CYP2B6: variants seen among roughly 807,000 people sequenced by gnomAD.
CYP2B6 encodes the protein cytochrome P450 family 2 subfamily B member 6, also known as cytochrome P450 2B6.
Under a neutral mutation model 43.4 loss-of-function variants are expected in CYP2B6, and 35 were observed. The ratio of observed to expected loss-of-function variants is 0.81; its 90% CI spans 0.62 to 1.07. The LOEUF is 1.07. Ranked by LOEUF, CYP2B6 falls within the 50% of genes least tolerant of loss-of-function variation. The pLI is 0.00. For missense variants in CYP2B6, 624 were observed against 632.8 expected (o/e 0.99, Z 0.15); for synonymous variants, 239 against 239.2 (o/e 1.00, Z 0.01).
chr19:41,012,951 A>G, intron 8 of CYP2B6, 136 bp downstream of exon 8: 1 of 1,019,270 alleles, frequency 9.8e-7, no homozygotes. Context: ...ATCCCATTCC[A>G]TCTTCACTAC....
intron 1 of CYP2B6, among the ~76,000 whole-genome samples, chr19:40,997,263 G>A (rs1316593660): frequency 6.6e-6 from 1 of 151,874 alleles, no homozygotes; most frequent in Non-Finnish European, 1.5e-5. Flanking sequence ...CACTGGCTCA[G>A]TATTTACCTG....
intron 3 of CYP2B6, among the ~76,000 whole-genome samples, chr19:41,006,391 T>G (rs1236943248): frequency 6.8e-6 from 1 of 146,930 alleles, no homozygotes; most frequent in East Asian, 2.0e-4. Flanking sequence ...CTTGAATTCC[T>G]GATCCTTTTG....
rs537701423 is a variant in CYP2B6, at chr19:41,016,606, C to T, written c.1295-40C>T. 2.8e-5 allele frequency: 45 copies of T among 1,609,406 alleles called. No individual in the cohort carries two copies. The South Asian group carries it at 4.7e-4, about 17-fold the overall frequency. ...GACATGGCAGAGCGAAGTGTATGCA[C>T]CTGCCCTGTGCCCACACTGGTGACC... On this transcript the variant is annotated intron_variant, in intron 8 of 8. Transcript: ENST00000324071.
chr19:40,996,850 A>C (rs974083709), intron 1 of CYP2B6, among the ~76,000 whole-genome samples: 3 of 152,164 alleles, frequency 2.0e-5, no homozygotes, highest in African/African-American at 2.4e-5. Context: ...ATTCAGGTAC[A>C]TAACACTGGT....
chr19:41,016,229 C>T (rs1969360313), intron 8 of CYP2B6, among the ~76,000 whole-genome samples: 1 of 151,782 alleles, frequency 6.6e-6, no homozygotes, highest in Non-Finnish European at 1.5e-5. Context: ...TACCCCATGT[C>T]TACTAAAAAT....
intron 1 of CYP2B6, among the ~76,000 whole-genome samples, chr19:41,001,700 A>C (rs529701087): frequency 5.8e-4 from 88 of 152,064 alleles, no homozygotes; most frequent in African/African-American, 2.1e-3. Context: ...ATCCAATAAC[A>C]ATTCACTGGG....
In CYP2B6 at chr19:41,002,420, A is replaced by T. The variant is rs1172200537; in HGVS notation, c.172-1581A>T. Among the ~76,000 whole-genome samples, 2 of 152,096 alleles carry T rather than the reference A, an allele frequency of 1.3e-5. 1 individual carries two copies. The highest frequency in any genetic ancestry group is 4.8e-5 in the African/African-American group (2 of 41,392). ...GAATTTTCACAAACTGAACATACTC[A>T]TGTAATTGACATGCAGGCCAAGTAG... On this transcript the variant is annotated intron_variant, in intron 1 of 8. Transcript: ENST00000324071.
chr19:41,009,774 G>A (rs1969249623), intron 5 of CYP2B6: 5 of 615,098 alleles, frequency 8.1e-6, no homozygotes, highest in Non-Finnish European at 1.4e-5. Context: ...TCAAAGAGAT[G>A]TGGAGAGAGA....
In CYP2B6 at chr19:41,006,951, C is replaced by T. The variant is rs1377463361; in HGVS notation, c.531C>T (p.Asn177=). ...TCCTCTTCCAGTCCATTACCGCCAA[C>T]ATCATCTGCTCCATCGTCTTTGGAA... ...PTFLFQSITA[N]IICSIVFGKR... Residue 177 remains asparagine (N), a synonymous_variant, in exon 4 of 9, where the codon AAC becomes AAT. Transcript: ENST00000324071. The T allele has an allele frequency of 6.8e-6, 11 of 1,614,068 alleles. No individual in the cohort carries two copies. Among genetic ancestry groups the T allele is most frequent in the Non-Finnish European group, 9.3e-6 (11 of 1,180,002 alleles).
chr19:40,994,009 G>A (rs1304981374), intron 1 of CYP2B6, among the ~76,000 whole-genome samples: 2 of 152,040 alleles, frequency 1.3e-5, no homozygotes, highest in African/African-American at 2.4e-5. Context: ...TCAATTAGCT[G>A]CAAAATTCAA....
At chr19:41,001,038 TCAAAAAAAACC>T (rs955650308) in intron 1 of CYP2B6, among the ~76,000 whole-genome samples, 2 of 151,368 alleles carry the variant, frequency 1.3e-5, no homozygotes, top group African/African-American at 4.9e-5. Context: ...AAACTCCATC[TCAAAAAAAACC>T]CAAACAGAAA....
At chr19:41,003,229 T>C (rs1041438254) in intron 1 of CYP2B6, among the ~76,000 whole-genome samples, 8 of 152,072 alleles carry the variant, frequency 5.3e-5, no homozygotes, top group Non-Finnish European at 1.0e-4. Context: ...TGGAGATATC[T>C]TCTGAGACCC....
rs373819171 is a variant in CYP2B6 at position 41,006,910 on chromosome 19, C to T, written c.490C>T (p.Leu164Phe). Residue 164 changes from leucine to phenylalanine, a missense_variant, in exon 4 of 9, where the codon CTC (leucine) becomes TTC (phenylalanine). Coordinates refer to ENST00000324071, the MANE Select transcript of CYP2B6 (RefSeq NM_000767.5). Reference protein sequence around the residue: ...IEELRKSKGALMDPTFLFQSI... With the variant: ...IEELRKSKGAFMDPTFLFQSI... ...GACCTGCTGCTTCTTCCTAGGGGCC[C>T]TCATGGACCCCACCTTCCTCTTCCA... is the stretch of plus-strand genomic sequence containing the variant. 3.1e-6 allele frequency: 5 copies of T among 1,613,576 alleles called. No individual in the cohort carries two copies. The highest frequency in any genetic ancestry group is 2.2e-5 in the South Asian group (2 of 91,042).
In CYP2B6 at chr19:41,016,901, C is replaced by A; in HGVS notation, c.*74C>A. On this transcript the variant is annotated 3_prime_UTR_variant, in exon 9 of 9. Coordinates refer to ENST00000324071, the MANE Select transcript of CYP2B6 (RefSeq NM_000767.5). ...CCGCCTCTGTAGACAATGGCTCTGA[C>A]TCCCCGCAACTTCCTGCCTCTGAGA... 1 of 1,485,606 alleles carries A rather than the reference C, an allele frequency of 6.7e-7. No individual in the cohort carries two copies. Among genetic ancestry groups the A allele is most frequent in the Non-Finnish European group, 9.2e-7 (1 of 1,089,976 alleles). The allele number at this position is 1,485,606 out of a possible 1,614,324, so 92.0% of individuals were successfully genotyped here.
rs370338813 is a variant in CYP2B6 at position 41,016,800 on chromosome 19, A to G, written c.1449A>G (p.Thr483=). 30 of 1,613,936 alleles carry G rather than the reference A, an allele frequency of 1.9e-5. No homozygotes were observed. In the African/African-American group the frequency reaches 3.7e-4, roughly 20 times the overall value. The stretch of plus-strand genomic sequence containing the variant: ...GTGGTGTGGGCAAAATACCCCCAAC[A>G]TACCAGATCCGCTTCCTGCCCCGCT... ...QECGVGKIPP[T]YQIRFLPR Residue 483 remains threonine (T), a synonymous_variant, in exon 9 of 9, where the codon ACA becomes ACG. Coordinates refer to ENST00000324071, the MANE Select transcript of CYP2B6 (RefSeq NM_000767.5).
chr19:41,006,753 T>G (rs1969193830), intron 3 of CYP2B6, 152 bp from the exon 4 acceptor site: 18 of 727,350 alleles, frequency 2.5e-5, no homozygotes. Flanking sequence ...TCAATGGAAT[T>G]ACGCGTGACG....
intron 6 of CYP2B6, among the ~76,000 whole-genome samples, chr19:41,011,319 T>A (rs1382982612): frequency 6.6e-6 from 1 of 152,226 alleles, no homozygotes; most frequent in African/African-American, 2.4e-5. Flanking sequence ...TACTCATACT[T>A]CACTAATTTA....
intron 1 of CYP2B6, among the ~76,000 whole-genome samples, chr19:41,000,967 A>G (rs138734531): frequency 6.6e-6 from 1 of 152,072 alleles, no homozygotes; most frequent in African/African-American, 2.4e-5. Flanking sequence ...TGAACCCAGG[A>G]GGCGGAGTTT....
chr19:40,993,018 A>G (rs1439561903), intron 1 of CYP2B6, among the ~76,000 whole-genome samples: 3 of 152,180 alleles, frequency 2.0e-5, no homozygotes, highest in South Asian at 2.1e-4. Context: ...CCATGAACCA[A>G]ACTGATCAAA....
Sources: allele counts gnomAD v4.1 joint callset (sites outside exome capture counted in the v4.1 genomes callset), GRCh38; gene constraint gnomAD v4.1.1; transcripts MANE v1.5; gene names NCBI Gene and HGNC (gene_info 2026-07-23, HGNC 2026-07-21).